MSI2: variants seen among roughly 807,000 people sequenced by gnomAD.
The protein encoded by MSI2 is RNA-binding protein Musashi homolog 2.
Under a neutral mutation model 45.6 loss-of-function variants are expected in MSI2, and 17 were observed. The ratio of observed to expected loss-of-function variants is 0.37; its 90% CI spans 0.26 to 0.56. The LOEUF (loss-of-function observed/expected upper bound fraction) is 0.56. Among genes scored for constraint, MSI2 ranks in the 20% least tolerant of loss-of-function variants. The pLI is 0.77. For missense variants in MSI2, 293 were observed against 444.2 expected, an observed-to-expected ratio of 0.66 and a Z score of 3.06; for synonymous variants, 156 against 158.2, an observed-to-expected ratio of 0.99 and a Z score of 0.11.
intron 5 of MSI2, among the ~76,000 whole-genome samples, chr17:57,333,310 AT>A (rs1892665293): frequency 6.6e-6 from 1 of 151,912 alleles, no homozygotes; most frequent in African/African-American, 2.4e-5. Context: ...TTTTGGAATT[AT>A]TTTTCCCCCC....
At position 57,547,017 on chromosome 17, in the gene MSI2, C is replaced by T. The variant is rs910408565; in HGVS notation, c.454+17293C>T. On this transcript the variant is annotated intron_variant, in intron 7 of 13. Coordinates refer to ENST00000284073, the MANE Select transcript of MSI2 (RefSeq NM_138962.4). Reference sequence around the variant, plus strand: ...AATAGGGAGCTGTTGGCGAGGGGGCCTGGGCCTACTCTGTTTAGGTGGGTA... The same window carrying T: ...AATAGGGAGCTGTTGGCGAGGGGGCTTGGGCCTACTCTGTTTAGGTGGGTA... 5.3e-5 allele frequency among the ~76,000 whole-genome samples: 8 copies of T among 152,336 alleles called. No homozygotes were observed. In the South Asian group the frequency reaches 1.7e-3, roughly 32 times the overall value.
the MSI2 span, among the ~76,000 whole-genome samples, chr17:57,695,098 C>T: frequency 6.6e-6 from 1 of 152,082 alleles, no homozygotes; most frequent in Admixed American, 6.5e-5. Context: ...TCTAGTTTAC[C>T]TGCTTCACTT....
At chr17:57,350,488 T>C (rs1322872014) in intron 5 of MSI2, among the ~76,000 whole-genome samples, 1 of 152,136 alleles carries the variant, frequency 6.6e-6, no homozygotes, top group Non-Finnish European at 1.5e-5. Context: ...TGCCTCAGGA[T>C]AAAGTCCAAG....
intron 6 of MSI2, among the ~76,000 whole-genome samples, chr17:57,480,299 A>C (rs1222992413): frequency 6.6e-6 from 1 of 152,210 alleles, no homozygotes; most frequent in African/African-American, 2.4e-5. Context: ...AGCTGTTTCA[A>C]ATATCAGCCT....
intron 6 of MSI2, among the ~76,000 whole-genome samples, chr17:57,481,103 A>G (rs986063179): frequency 2.6e-5 from 4 of 152,136 alleles, no homozygotes; most frequent in Non-Finnish European, 4.4e-5. Flanking sequence ...GCCTTTAGTA[A>G]TCTCCCCAGG....
intron 6 of MSI2, among the ~76,000 whole-genome samples, chr17:57,442,028 A>T (rs540808667): frequency 6.8e-6 from 1 of 147,510 alleles, no homozygotes; most frequent in East Asian, 2.0e-4. Context: ...GGTCCTGTAC[A>T]TCAACACAGC....
intron 7 of MSI2, among the ~76,000 whole-genome samples, chr17:57,548,478 C>T (rs948562090): frequency 6.6e-6 from 1 of 152,186 alleles, no homozygotes; most frequent in African/African-American, 2.4e-5. Context: ...GGCTTGAAGT[C>T]ATTTCCGATG....
chr17:57,526,011 G>A (rs1025644299), intron 6 of MSI2, among the ~76,000 whole-genome samples: 2 of 152,124 alleles, frequency 1.3e-5, no homozygotes, highest in Non-Finnish European at 2.9e-5. Flanking sequence ...TGGATCACAA[G>A]GTCAGGAGTT....
chr17:57,421,609 G>A (rs746066891), intron 6 of MSI2, among the ~76,000 whole-genome samples: 1 of 152,180 alleles, frequency 6.6e-6, no homozygotes, highest in Non-Finnish European at 1.5e-5. Flanking sequence ...TAGTCCTGGT[G>A]CAGTGGCTCA....
intron 2 of MSI2, 56 bp from the exon 3 acceptor site, chr17:57,257,410 C>CTTT: frequency 1.0e-6 from 1 of 983,396 alleles, no homozygotes; most frequent in Admixed American, 2.4e-5. Flanking sequence ...ATTTGCATTG[C>CTTT]TTTTTTTTTC....
At chr17:57,286,652 G>A (rs571852405) in intron 5 of MSI2, among the ~76,000 whole-genome samples, 51 of 151,922 alleles carry the variant, frequency 3.4e-4, no homozygotes, top group African/African-American at 1.0e-3. Context: ...GACCTTTCCC[G>A]CCTAAAACCG....
At chr17:57,283,878 C>T (rs773845391) in intron 5 of MSI2, among the ~76,000 whole-genome samples, 9 of 152,160 alleles carry the variant, frequency 5.9e-5, no homozygotes, top group Admixed American at 3.9e-4. Context: ...TGCGTGGGGA[C>T]GCATGGGAAG....
rs1420805722 is a variant in MSI2, at chr17:57,683,123, G to C, written c.*3606G>C. On this transcript the variant is annotated 3_prime_UTR_variant, in exon 14 of 14. Transcript: ENST00000284073. The surrounding 1 kb of genome is among the most constrained non-coding windows in gnomAD (Gnocchi z 5.2). ...TCCTTCATAACCTTCATCTTAATTT[G>C]AACTTGTAGCTTGGACTTTAAGGTA... is the stretch of plus-strand genomic sequence containing the variant. 8.7e-6 allele frequency: 2 copies of C among 229,556 alleles called. No individual in the cohort carries two copies. The highest frequency in any genetic ancestry group is 1.7e-5 in the Non-Finnish European group (2 of 115,856). The allele number at this position is 229,556 out of a possible 1,614,324, so 14.2% of individuals were successfully genotyped here.
At chr17:57,310,795 G>T (rs1229610506) in intron 5 of MSI2, among the ~76,000 whole-genome samples, 1 of 152,198 alleles carries the variant, frequency 6.6e-6, no homozygotes, top group Non-Finnish European at 1.5e-5. Context: ...TGCAGATAGA[G>T]GTTGGTCCTA....
At chr17:57,524,590 T>A (rs961017324) in intron 6 of MSI2, among the ~76,000 whole-genome samples, 3 of 152,224 alleles carry the variant, frequency 2.0e-5, no homozygotes, top group African/African-American at 7.2e-5. Context: ...AGAAGGAAAG[T>A]TTATGTCATC....
At chr17:57,341,215 G>A (rs1004116545) in intron 5 of MSI2, among the ~76,000 whole-genome samples, 1 of 152,214 alleles carries the variant, frequency 6.6e-6, no homozygotes, top group Non-Finnish European at 1.5e-5. Context: ...GCAGCTCAGT[G>A]TGGCCCCAGC....
At chr17:57,447,627 A>C (rs1445770929) in intron 6 of MSI2, among the ~76,000 whole-genome samples, 5 of 151,980 alleles carry the variant, frequency 3.3e-5, no homozygotes, top group African/African-American at 9.7e-5. Flanking sequence ...AAACTCCCAG[A>C]AGCCCCTTTT....
At chr17:57,538,159 A>G (rs908830142) in intron 7 of MSI2, among the ~76,000 whole-genome samples, 1 of 152,082 alleles carries the variant, frequency 6.6e-6, no homozygotes, top group Non-Finnish European at 1.5e-5. Context: ...CTGAAGAGAA[A>G]GGAGCTTTTA....
intron 7 of MSI2, among the ~76,000 whole-genome samples, chr17:57,542,675 G>C (rs1178639263): frequency 6.6e-6 from 1 of 152,176 alleles, no homozygotes; most frequent in Non-Finnish European, 1.5e-5. Context: ...GGCACCCCCT[G>C]GGTCACATGA....
Sources: allele counts gnomAD v4.1 joint callset (sites outside exome capture counted in the v4.1 genomes callset), GRCh38; gene constraint gnomAD v4.1.1; non-coding constraint Gnocchi (gnomAD v3.1); transcripts MANE v1.5; gene names NCBI Gene and HGNC (gene_info 2026-07-23, HGNC 2026-07-21).